Variants in DCDC1 observed in about 807,000 individuals in gnomAD.
DCDC1 encodes the protein doublecortin domain containing 1.
Under a neutral mutation model 178.3 loss-of-function variants are expected in DCDC1, and 200 were observed. The ratio of observed to expected loss-of-function variants is 1.12; its 90% CI spans 1.00 to 1.26. The LOEUF is 1.26. Among genes scored for constraint, DCDC1 ranks in the 50% most tolerant of loss-of-function variants. DCDC1 has a pLI of 0.00. For missense variants in DCDC1, 1,983 were observed against 1,749.2 expected (o/e 1.13, Z -2.38); for synonymous variants, 690 against 604.8 (o/e 1.14, Z -2.07).
intron 3 of DCDC1, among the ~76,000 whole-genome samples, chr11:31,314,789 C>CT (rs1383800245): frequency 1.3e-5 from 2 of 152,310 alleles, no homozygotes; most frequent in East Asian, 3.9e-4. Flanking sequence ...TTAACGACAT[C>CT]TGCAGAAATC....
At chr11:31,368,864 T>C (rs1451121442) in intron 1 of DCDC1, among the ~76,000 whole-genome samples, 1 of 151,988 alleles carries the variant, frequency 6.6e-6, no homozygotes, top group Non-Finnish European at 1.5e-5. Flanking sequence ...GAGGTGTTAA[T>C]GTAAAGTAAG....
At chr11:31,233,438 A>C (rs1438471187) in intron 9 of DCDC1, among the ~76,000 whole-genome samples, 1 of 152,204 alleles carries the variant, frequency 6.6e-6, no homozygotes, top group African/African-American at 2.4e-5. Flanking sequence ...GACAGAGCAC[A>C]TATGTGGTAC....
chr11:31,297,599 C>T lies in DCDC1; in HGVS notation c.755-6747G>A, dbSNP rs1294939053. ...TGACCTTGTAATCTGCCAGCGTTGGCCTCCCAAAGTGCTGGGATCACAGGC... is the reference window on the plus strand; with the variant it reads ...TGACCTTGTAATCTGCCAGCGTTGGTCTCCCAAAGTGCTGGGATCACAGGC... On this transcript the variant is annotated intron_variant, in intron 6 of 38. Coordinates refer to ENST00000684477, the MANE Select transcript of DCDC1 (RefSeq NM_001387274.1). Among the ~76,000 whole-genome samples the T allele has an allele frequency of 2.0e-5, 3 of 152,088 alleles. No homozygotes were observed. The East Asian group carries it at 5.8e-4, about 29-fold the overall frequency.
At chr11:31,146,039 G>A (rs1964411005) in intron 9 of DCDC1, among the ~76,000 whole-genome samples, 1 of 150,426 alleles carries the variant, frequency 6.6e-6, no homozygotes, top group Non-Finnish European at 1.5e-5. Context: ...ATAACTGAAT[G>A]TCTAAATCAG....
At chr11:30,918,955 T>C (rs1946050838) in intron 25 of DCDC1, among the ~76,000 whole-genome samples, 1 of 152,164 alleles carries the variant, frequency 6.6e-6, no homozygotes, top group African/African-American at 2.4e-5. Context: ...AGGATCCTTC[T>C]AGATTGATGT....
At chr11:31,272,080 T>C (rs1340817067) in intron 7 of DCDC1, among the ~76,000 whole-genome samples, 1 of 151,740 alleles carries the variant, frequency 6.6e-6, no homozygotes, top group Non-Finnish European at 1.5e-5. Context: ...GAGAATCACT[T>C]GAACCCAGCA....
At chr11:31,262,878 T>G in intron 8 of DCDC1, 1 of 527,248 alleles carries the variant, frequency 1.9e-6, no homozygotes. Context: ...TCCAGTGAAC[T>G]TGTAATGCTT....
chr11:31,342,113 G>A (rs945869395), intron 1 of DCDC1, among the ~76,000 whole-genome samples: 3 of 152,110 alleles, frequency 2.0e-5, no homozygotes, highest in Non-Finnish European at 4.4e-5. Flanking sequence ...ATTAGGGAGG[G>A]GACAGCTGGA....
intron 20 of DCDC1, among the ~76,000 whole-genome samples, chr11:31,043,500 ATT>A (rs917678901): frequency 6.7e-6 from 1 of 150,366 alleles, no homozygotes; most frequent in Non-Finnish European, 1.5e-5. Flanking sequence ...TCCCTAATGG[ATT>A]TTTTTTTTCA....
At chr11:31,223,045 T>C (rs1327384131) in intron 9 of DCDC1, among the ~76,000 whole-genome samples, 1 of 152,192 alleles carries the variant, frequency 6.6e-6, no homozygotes, top group African/African-American at 2.4e-5. Flanking sequence ...TAAAATATTA[T>C]ACATGATTCT....
chr11:31,012,607 C>CA (rs780824791), intron 20 of DCDC1, among the ~76,000 whole-genome samples: 1,560 of 74,524 alleles, frequency 0.021, 15 homozygotes, highest in African/African-American at 0.051. Context: ...CCTGTCTCAA[C>CA]AAAAAAAAAA....
intron 20 of DCDC1, among the ~76,000 whole-genome samples, chr11:30,985,758 T>G (rs1406995934): frequency 6.6e-6 from 1 of 152,150 alleles, no homozygotes; most frequent in Non-Finnish European, 1.5e-5. Context: ...GATTCCAAAG[T>G]CCACATCCTT....
chr11:30,964,044 C>G (rs751359689), intron 20 of DCDC1, among the ~76,000 whole-genome samples: 1 of 152,068 alleles, frequency 6.6e-6, no homozygotes, highest in Non-Finnish European at 1.5e-5. Flanking sequence ...AGGCAGGAAG[C>G]GTTAGCTCTT....
chr11:31,131,789 T>C lies in DCDC1; in HGVS notation c.1315-4150A>G, dbSNP rs571367147. Among the ~76,000 whole-genome samples, 20 of 152,310 alleles carry C rather than the reference T, an allele frequency of 1.3e-4. No individual in the cohort carries two copies. The East Asian group carries it at 3.9e-3, about 29-fold the overall frequency. On this transcript the variant is annotated intron_variant, in intron 10 of 38. Transcript: ENST00000684477. The stretch of plus-strand genomic sequence containing the variant: ...CATGCATTGTATTTCACTAGTCAAT[T>C]ATAATGTTCTCTATAATTTCATGTA...
chr11:30,978,483 C>A (rs1490952181), intron 20 of DCDC1, among the ~76,000 whole-genome samples: 1 of 151,738 alleles, frequency 6.6e-6, no homozygotes, highest in Non-Finnish European at 1.5e-5. Context: ...ATTTGTACAT[C>A]TTTTTTATTG....
chr11:31,359,129 G>A (rs895438808), intron 1 of DCDC1, among the ~76,000 whole-genome samples: 16 of 147,204 alleles, frequency 1.1e-4, no homozygotes, highest in African/African-American at 2.5e-4. Flanking sequence ...AAAGACACAC[G>A]CACACGTATG....
At chr11:30,896,883 C>T (rs926152080) in intron 34 of DCDC1, among the ~76,000 whole-genome samples, 1 of 152,162 alleles carries the variant, frequency 6.6e-6, no homozygotes, top group African/African-American at 2.4e-5. Context: ...GTAAAGTCAG[C>T]CTAGCACAGT....
At chr11:31,165,701 T>C (rs980269746) in intron 9 of DCDC1, among the ~76,000 whole-genome samples, 3 of 152,212 alleles carry the variant, frequency 2.0e-5, no homozygotes, top group African/African-American at 4.8e-5. Context: ...TCTTGTTGAT[T>C]TGTAGAAACT....
At chr11:31,010,949 A>G (rs533046143) in intron 20 of DCDC1, among the ~76,000 whole-genome samples, 1 of 152,266 alleles carries the variant, frequency 6.6e-6, no homozygotes, top group East Asian at 1.9e-4. Flanking sequence ...TAATATTGAA[A>G]TGTTTGTTAT....
Sources: gnomAD v4.1 joint callset for allele counts (sites outside exome capture counted in the v4.1 genomes callset) on GRCh38, gnomAD v4.1.1 for gene constraint, MANE v1.5 for transcripts, NCBI Gene and HGNC (gene_info 2026-07-23, HGNC 2026-07-21) for gene names.